PDE3A: variants seen among roughly 807,000 people sequenced by gnomAD.
PDE3A encodes the protein phosphodiesterase 3A, also known as cGMP-inhibited 3',5'-cyclic phosphodiesterase 3A.
A neutral mutation model predicts 98.3 loss-of-function variants in PDE3A; 43 were observed. That is an observed-to-expected ratio of 0.44 (90% CI 0.34 to 0.56). The LOEUF is 0.56. PDE3A is among the 20% of genes least tolerant of loss of function. The pLI is 0.01. For missense variants in PDE3A, 1,427 were observed against 1,440.7 expected (o/e 0.99, Z 0.15); for synonymous variants, 663 against 567.9 (o/e 1.17, Z -2.38).
At chr12:20,425,650 T>A (rs1356518559) in intron 1 of PDE3A, among the ~76,000 whole-genome samples, 1 of 152,174 alleles carries the variant, frequency 6.6e-6, no homozygotes, top group Non-Finnish European at 1.5e-5. Flanking sequence ...CATTCTAAGA[T>A]TGTCTATAAC....
At chr12:20,371,381 A>G (rs1943472602) in intron 1 of PDE3A, 1 of 984,956 alleles carries the variant, frequency 1.0e-6, no homozygotes, top group Non-Finnish European at 1.2e-6. Flanking sequence ...GGTTGGATAC[A>G]GCAAGTGGAA....
intron 1 of PDE3A, among the ~76,000 whole-genome samples, chr12:20,497,715 G>A (rs1204977714): frequency 6.6e-6 from 1 of 152,108 alleles, no homozygotes; most frequent in Non-Finnish European, 1.5e-5. Flanking sequence ...TCAGAGGGTG[G>A]CAAATGCAAA....
Position 20,506,432 on chromosome 12 carries a change from TG to T in PDE3A, c.961-50227del, listed in dbSNP as rs568303163. 6.2e-4 allele frequency among the ~76,000 whole-genome samples: 95 copies of T among 152,148 alleles called. 1 individual carries two copies. The highest frequency in any genetic ancestry group is 2.1e-3 in the African/African-American group (88 of 41,532). ...CACAAACAGAGAATAGAGGCTGTGGTGTTGGGCATTTAATGTATGAATGAGT... is the reference window on the plus strand; with the variant it reads ...CACAAACAGAGAATAGAGGCTGTGGTTTGGGCATTTAATGTATGAATGAGT... On this transcript the variant is annotated intron_variant, in intron 1 of 15. Transcript: ENST00000359062.
chr12:20,483,523 C>T (rs926192392), intron 1 of PDE3A, among the ~76,000 whole-genome samples: 1 of 152,152 alleles, frequency 6.6e-6, no homozygotes, highest in Non-Finnish European at 1.5e-5. Context: ...AACCCAGTAT[C>T]AAGTATGTGT....
chr12:20,434,426 G>A (rs1193474218), intron 1 of PDE3A, among the ~76,000 whole-genome samples: 2 of 152,138 alleles, frequency 1.3e-5, no homozygotes, highest in Admixed American at 6.6e-5. Context: ...TAAGGGGAGA[G>A]CCAGGGAGGC....
chr12:20,576,019 G>A (rs536415959), intron 2 of PDE3A, among the ~76,000 whole-genome samples: 74 of 151,920 alleles, frequency 4.9e-4, no homozygotes, highest in African/African-American at 1.2e-3. Context: ...TTTTGTGGGC[G>A]CATAGTAAGT....
At chr12:20,616,207 A>G (rs1944002471) in intron 3 of PDE3A, 23 bp from the exon 4 acceptor site, 3 of 1,609,354 alleles carry the variant, frequency 1.9e-6, no homozygotes, top group Non-Finnish European at 2.5e-6. Context: ...ATTCTGGGTA[A>G]TGAAGTCAAG....
At chr12:20,395,327 CT>C (rs1943989512) in intron 1 of PDE3A, among the ~76,000 whole-genome samples, 1 of 151,644 alleles carries the variant, frequency 6.6e-6, no homozygotes, top group Admixed American at 6.6e-5. Flanking sequence ...AGAATATAAA[CT>C]GATATTGGTA....
chr12:20,624,809 G>A (rs1025816790), intron 5 of PDE3A, among the ~76,000 whole-genome samples: 1 of 152,268 alleles, frequency 6.6e-6, no homozygotes, highest in South Asian at 2.1e-4. Context: ...TAAAATCCTT[G>A]CTTCCCTGTT....
At chr12:20,582,748 A>G (rs973419591) in intron 2 of PDE3A, among the ~76,000 whole-genome samples, 7 of 152,142 alleles carry the variant, frequency 4.6e-5, no homozygotes, top group Non-Finnish European at 1.0e-4. Flanking sequence ...GTAAATGGAA[A>G]CATTTATTTT....
At chr12:20,524,830 C>T (rs1946486224) in intron 1 of PDE3A, among the ~76,000 whole-genome samples, 1 of 151,998 alleles carries the variant, frequency 6.6e-6, no homozygotes, top group Non-Finnish European at 1.5e-5. Flanking sequence ...GCACTACCCT[C>T]TTGTGGTTAG....
At chr12:20,433,713 G>C (rs1944735608) in intron 1 of PDE3A, among the ~76,000 whole-genome samples, 2 of 152,158 alleles carry the variant, frequency 1.3e-5, no homozygotes. Context: ...GTTAGGAAGA[G>C]CATGTACTGC....
chr12:20,510,571 A>G (rs1946202495), intron 1 of PDE3A, among the ~76,000 whole-genome samples: 1 of 152,074 alleles, frequency 6.6e-6, no homozygotes, highest in South Asian at 2.1e-4. Context: ...TGAGATGGAG[A>G]AGTTGAAGAC....
At chr12:20,441,336 G>C (rs1944867472) in intron 1 of PDE3A, among the ~76,000 whole-genome samples, 1 of 152,084 alleles carries the variant, frequency 6.6e-6, no homozygotes, top group Non-Finnish European at 1.5e-5. Context: ...AGTGGAATTT[G>C]AACAGGGAGA....
intron 2 of PDE3A, among the ~76,000 whole-genome samples, chr12:20,603,254 C>A (rs1018953997): frequency 6.6e-6 from 1 of 152,056 alleles, no homozygotes; most frequent in Non-Finnish European, 1.5e-5. Flanking sequence ...ATATTCCTCC[C>A]ATGCTGTGTT....
chr12:20,445,483 C>T (rs1242207709), intron 1 of PDE3A, among the ~76,000 whole-genome samples: 4 of 152,014 alleles, frequency 2.6e-5, no homozygotes, highest in Admixed American at 6.6e-5. Flanking sequence ...AAATGGATAT[C>T]GATTATTGCT....
intron 2 of PDE3A, among the ~76,000 whole-genome samples, chr12:20,586,948 G>A (rs188679770): frequency 2.6e-5 from 4 of 152,236 alleles, no homozygotes; most frequent in South Asian, 4.1e-4. Flanking sequence ...CACTTGGTTG[G>A]CTTTTAATGA....
intron 1 of PDE3A, among the ~76,000 whole-genome samples, chr12:20,410,194 T>C (rs1028923230): frequency 1.3e-5 from 2 of 152,182 alleles, no homozygotes; most frequent in Non-Finnish European, 2.9e-5. Flanking sequence ...ATTGTGGTAT[T>C]GGGCTATCCT....
At chr12:20,582,037 AT>A (rs199574476) in intron 2 of PDE3A, among the ~76,000 whole-genome samples, 2 of 151,502 alleles carry the variant, frequency 1.3e-5, no homozygotes, top group South Asian at 2.1e-4. Flanking sequence ...TTAGGTTGGG[AT>A]TTTTTTTTAA....
Sources: allele counts gnomAD v4.1 joint callset (sites outside exome capture counted in the v4.1 genomes callset), GRCh38; gene constraint gnomAD v4.1.1; transcripts MANE v1.5; gene names NCBI Gene and HGNC (gene_info 2026-07-23, HGNC 2026-07-21).